Variants in RANBP2 observed in about 807,000 individuals in gnomAD.
RANBP2 encodes the protein E3 SUMO-protein ligase RanBP2.
A neutral mutation model predicts 303.6 loss-of-function variants in RANBP2; 57 were observed. The observed-to-expected ratio is 0.19, with a 90% confidence interval of 0.15 to 0.23. The LOEUF is 0.23. Among genes scored for constraint, RANBP2 ranks in the 10% least tolerant of loss-of-function variants. The probability of loss-of-function intolerance (pLI) is 1.00; values close to 1 mark genes in which losing one functional copy is unlikely to be tolerated. For missense variants in RANBP2, 3,138 were observed against 3,780.8 expected, an observed-to-expected ratio of 0.83 and a Z score of 4.46; for synonymous variants, 1,167 against 1,301.5, an observed-to-expected ratio of 0.90 and a Z score of 2.23.
Position 108,755,156 on chromosome 2 carries a change from T to G in RANBP2, c.2383-20T>G. 1 of 1,611,678 alleles carries G rather than the reference T, an allele frequency of 6.2e-7. No homozygotes were observed. The highest frequency in any genetic ancestry group is 1.7e-5 in the Admixed American group (1 of 60,004). ...TCTAAGTGTTTTAAATGCTGTTTTG[T>G]TATTTTTATTTTTTTTTAGTATTCT... is the stretch of plus-strand genomic sequence containing the variant. On this transcript the variant is annotated intron_variant, in intron 16 of 28. Transcript: ENST00000283195.
At chr2:109,342,462 AAGGGGGCCCTCCATTGAAAGC>A in the RANBP2 span, among the ~76,000 whole-genome samples, 1 of 152,204 alleles carries the variant, frequency 6.6e-6, no homozygotes. Flanking sequence ...GCTAATTGTG[AAGGGGGCCCTCCATTGAAAGC>A]AGGTGGTGAG....
At chr2:109,503,570 A>G in the RANBP2 span, 3 of 152,178 alleles carry the variant, frequency 2.0e-5, no homozygotes, top group African/African-American at 7.2e-5. Flanking sequence ...CTCTCTATTT[A>G]CCATTATTGC....
At chr2:109,364,835 A>T in the RANBP2 span, among the ~76,000 whole-genome samples, 1 of 152,088 alleles carries the variant, frequency 6.6e-6, no homozygotes, top group East Asian at 1.9e-4. Context: ...TCACCCCTGT[A>T]CTCTCAGCAC....
the RANBP2 span, among the ~76,000 whole-genome samples, chr2:109,252,265 A>C: frequency 6.6e-6 from 1 of 151,862 alleles, no homozygotes; most frequent in Non-Finnish European, 1.5e-5. Flanking sequence ...AAAAAAAAAA[A>C]AAACTTTCAA....
chr2:109,285,355 C>T, the RANBP2 span, among the ~76,000 whole-genome samples: 1 of 152,236 alleles, frequency 6.6e-6, no homozygotes, highest in Non-Finnish European at 1.5e-5. Flanking sequence ...GCTTGTGAGT[C>T]ATTAGCATGC....
the RANBP2 span, among the ~76,000 whole-genome samples, chr2:108,847,731 G>A: frequency 6.6e-6 from 1 of 152,060 alleles, no homozygotes; most frequent in Non-Finnish European, 1.5e-5. Context: ...AGCTCAGATT[G>A]TTGTTTTTAT....
At chr2:109,438,359 C>G in the RANBP2 span, among the ~76,000 whole-genome samples, 2 of 152,114 alleles carry the variant, frequency 1.3e-5, no homozygotes, top group African/African-American at 4.8e-5. Flanking sequence ...CTTTGGGTGC[C>G]CAATGTCTGG....
chr2:109,163,253 G>T, the RANBP2 span, among the ~76,000 whole-genome samples: 2 of 152,172 alleles, frequency 1.3e-5, no homozygotes, highest in South Asian at 4.1e-4. Flanking sequence ...TGTGTTGACT[G>T]TAGGGCTCTG....
At chr2:109,323,361 A>G in the RANBP2 span, among the ~76,000 whole-genome samples, 3 of 152,232 alleles carry the variant, frequency 2.0e-5, no homozygotes, top group African/African-American at 7.2e-5. Context: ...CTCCAGCTAT[A>G]GGATCCACAT....
chr2:109,380,004 G>C, the RANBP2 span, among the ~76,000 whole-genome samples: 1 of 152,062 alleles, frequency 6.6e-6, no homozygotes, highest in Non-Finnish European at 1.5e-5. Flanking sequence ...TTGGATTAAC[G>C]ACATAAAGAA....
chr2:109,655,625 C>A, the RANBP2 span, among the ~76,000 whole-genome samples: 1 of 131,598 alleles, frequency 7.6e-6, no homozygotes, highest in Non-Finnish European at 1.5e-5. Context: ...CCCTGAGAGA[C>A]CCCTGCATCT....
the RANBP2 span, among the ~76,000 whole-genome samples, chr2:109,473,856 G>A: frequency 5.9e-5 from 9 of 152,068 alleles, no homozygotes; most frequent in East Asian, 9.8e-4. Context: ...TCCCTGAACC[G>A]CTCTCCTTGT....
the RANBP2 span, among the ~76,000 whole-genome samples, chr2:108,930,798 G>T: frequency 2.0e-5 from 3 of 152,220 alleles, no homozygotes. Context: ...TCAGCCTGGG[G>T]CAGAGTTCTG....
At chr2:109,544,943 A>C in the RANBP2 span, 1 of 984,674 alleles carries the variant, frequency 1.0e-6, no homozygotes, top group East Asian at 1.1e-4. Flanking sequence ...ACAAACAAAC[A>C]AACAAAAATA....
In RANBP2 at chr2:108,755,252, C is replaced by T; in HGVS notation, c.2459C>T (p.Ala820Val). The change falls in exon 17 of 29, where the codon GCC becomes GTC. Residue 820 changes from alanine (A) to valine (V), a missense_variant. This residue lies in a region of RANBP2 where 194 missense variants were observed against 197.4 expected (regional missense o/e 0.98). Transcript: ENST00000283195. ...LLKMICQQVE[A>V]IKKEMQELKL... ...AAAATGATTTGCCAACAAGTAGAGG[C>T]CATTAAGGTAAGTCACTTAATTTCT... The T allele has an allele frequency of 1.9e-6, 3 of 1,611,842 alleles. No individual in the cohort carries two copies. The highest frequency in any genetic ancestry group is 1.3e-5 in the African/African-American group (1 of 74,930).
chr2:109,540,463 ACTG>A, the RANBP2 span, among the ~76,000 whole-genome samples: 6 of 152,088 alleles, frequency 3.9e-5, no homozygotes, highest in Non-Finnish European at 7.4e-5. Flanking sequence ...ATAGTTGAGA[ACTG>A]CTATTTATTT....
chr2:109,663,574 A>G, the RANBP2 span, among the ~76,000 whole-genome samples: 3 of 152,240 alleles, frequency 2.0e-5, no homozygotes, highest in African/African-American at 4.8e-5. Flanking sequence ...GGAGATCATC[A>G]TTTTAAATTC....
At chr2:109,558,071 C>T in the RANBP2 span, among the ~76,000 whole-genome samples, 4 of 151,996 alleles carry the variant, frequency 2.6e-5, no homozygotes. Context: ...GGATTACAGG[C>T]GTGAACGACT....
chr2:108,897,311 TAAA>T, the RANBP2 span: 374 of 1,343,478 alleles, frequency 2.8e-4, no homozygotes, highest in African/African-American at 4.5e-3. Flanking sequence ...TTAAATGAAA[TAAA>T]AATTATTTGA....
Sources: gnomAD v4.1 joint callset for allele counts (sites outside exome capture counted in the v4.1 genomes callset) on GRCh38, gnomAD v4.1.1 for gene constraint, gnomAD v4.1.1 regional missense constraint, MANE v1.5 for transcripts, NCBI Gene and HGNC (gene_info 2026-07-23, HGNC 2026-07-21) for gene names.